ZFHX3: variants seen among roughly 807,000 people sequenced by gnomAD.
ZFHX3 encodes the protein zinc finger homeobox 3.
In ZFHX3, 42 loss-of-function variants were observed where a neutral mutation model predicts 279.1. The ratio of observed to expected loss-of-function variants is 0.15; its 90% CI spans 0.12 to 0.19. The LOEUF is 0.19. ZFHX3 is among the 10% of genes least tolerant of loss of function. The pLI, the probability that ZFHX3 is intolerant of heterozygous loss-of-function variation, is 1.00. For missense variants in ZFHX3, 4,981 were observed against 4,754.0 expected (o/e 1.05, Z -1.40); for synonymous variants, 2,293 against 1,957.8 (o/e 1.17, Z -4.52).
chr16:73,086,843 C>A (rs1231434672), intron 8 of ZFHX3, among the ~76,000 whole-genome samples: 1 of 152,100 alleles, frequency 6.6e-6, no homozygotes, highest in Non-Finnish European at 1.5e-5. Flanking sequence ...GTTGAGGCTG[C>A]AATGAGCTGT....
chr16:73,056,015 G>A (rs952712057), intron 1 of ZFHX3, among the ~76,000 whole-genome samples: 2 of 152,142 alleles, frequency 1.3e-5, no homozygotes, highest in African/African-American at 4.8e-5. Context: ...TATAAGCCCT[G>A]TGCGTTTCAG....
In ZFHX3 at chr16:72,793,184, G is replaced by C; in HGVS notation, c.9427+71C>G. ...TGCCCAGCACTCAGAGGGTTTGGGT[G>C]GTATCCACATAACAGAATGCTGACT... On this transcript the variant is annotated intron_variant, in intron 9 of 9. Transcript: ENST00000268489. This position sits in a 1 kb window ranked among gnomAD's most constrained non-coding sequence, Gnocchi z 4.3. 6.5e-7 allele frequency: 1 copy of C among 1,527,652 alleles called. No individual in the cohort carries two copies. Among genetic ancestry groups the C allele is most frequent in the South Asian group, 1.3e-5 (1 of 75,656 alleles). 94.6% of individuals were successfully genotyped at this position (1,527,652 alleles called of 1,614,324 possible). A position where few individuals can be genotyped will look rare whatever the true frequency, so the allele number is the denominator to read the frequency against.
chr16:73,821,857 T>C (rs1283850980), intron 1 of ZFHX3, among the ~76,000 whole-genome samples: 1 of 152,154 alleles, frequency 6.6e-6, no homozygotes, highest in East Asian at 1.9e-4. Context: ...TGGGCTGACC[T>C]TTGTAAAGGC....
At chr16:72,814,280 C>T (rs2036542516) in intron 5 of ZFHX3, among the ~76,000 whole-genome samples, 1 of 152,156 alleles carries the variant, frequency 6.6e-6, no homozygotes, top group South Asian at 2.1e-4. Flanking sequence ...CTCTGCCTGA[C>T]TAAAAACAAC....
At chr16:73,752,139 G>T (rs328340) in intron 1 of ZFHX3, among the ~76,000 whole-genome samples, 1 of 152,184 alleles carries the variant, frequency 6.6e-6, no homozygotes. Flanking sequence ...CCATTTATAC[G>T]TAGGAGAGTA....
At chr16:73,369,226 T>C (rs1788730488) in intron 3 of ZFHX3, among the ~76,000 whole-genome samples, 1 of 152,158 alleles carries the variant, frequency 6.6e-6, no homozygotes, top group Admixed American at 6.5e-5. Context: ...CTTGCCAGCA[T>C]GGATTTAGTA....
At chr16:73,270,809 C>T (rs973932295) in intron 4 of ZFHX3, among the ~76,000 whole-genome samples, 1 of 152,162 alleles carries the variant, frequency 6.6e-6, no homozygotes, top group African/African-American at 2.4e-5. Context: ...GCCTCAATTG[C>T]ATGGTACCCA....
intron 3 of ZFHX3, among the ~76,000 whole-genome samples, chr16:72,921,069 CAA>C (rs57294537): frequency 4.2e-5 from 1 of 23,582 alleles, no homozygotes; most frequent in East Asian, 1.5e-3. Flanking sequence ...CAGACCTTGT[CAA>C]AAAAAAAAAA....
chr16:73,188,633 C>A (rs144916685), intron 5 of ZFHX3, among the ~76,000 whole-genome samples: 41 of 152,300 alleles, frequency 2.7e-4, no homozygotes, highest in African/African-American at 9.1e-4. Flanking sequence ...CTTGGTCCTG[C>A]ATGTTGTAGA....
chr16:73,620,713 T>C (rs1402234348), intron 2 of ZFHX3, among the ~76,000 whole-genome samples: 1 of 152,252 alleles, frequency 6.6e-6, no homozygotes, highest in Admixed American at 6.5e-5. Context: ...CCTTATTTAT[T>C]AACTTCTTTT....
At chr16:73,889,076 T>C (rs2030443332) in intron 1 of ZFHX3, among the ~76,000 whole-genome samples, 1 of 152,204 alleles carries the variant, frequency 6.6e-6, no homozygotes, top group East Asian at 1.9e-4. Flanking sequence ...TGTAGATTGA[T>C]ACGGATGCCT....
At chr16:73,459,351 G>T (rs2018431491) in intron 2 of ZFHX3, among the ~76,000 whole-genome samples, 1 of 151,990 alleles carries the variant, frequency 6.6e-6, no homozygotes, top group East Asian at 1.9e-4. Flanking sequence ...GAAAGAGGTT[G>T]TCTTTTTGTT....
chr16:73,258,375 G>T (rs1466277472), intron 4 of ZFHX3, among the ~76,000 whole-genome samples: 3 of 148,336 alleles, frequency 2.0e-5, no homozygotes, highest in Non-Finnish European at 3.0e-5. Context: ...TCTGAGACAG[G>T]GTCTCGCTCT....
chr16:73,055,734 A>G (rs1169870648), intron 1 of ZFHX3, among the ~76,000 whole-genome samples: 1 of 150,278 alleles, frequency 6.7e-6, no homozygotes, highest in Non-Finnish European at 1.5e-5. Flanking sequence ...ACACACACAC[A>G]CACGTCAGGA....
intron 3 of ZFHX3, among the ~76,000 whole-genome samples, chr16:73,353,841 GTTATTT>G (rs1030855384): frequency 1.3e-5 from 2 of 152,136 alleles, no homozygotes; most frequent in African/African-American, 4.8e-5. Context: ...ACTTAATATT[GTTATTT>G]TTATTTATCA....
intron 8 of ZFHX3, among the ~76,000 whole-genome samples, chr16:73,082,326 G>A (rs986998721): frequency 2.0e-5 from 3 of 151,950 alleles, no homozygotes; most frequent in Non-Finnish European, 4.4e-5. Context: ...GGAGTGCAGT[G>A]GCGCGATCTT....
chr16:73,890,278 C>T (rs1056256382), intron 1 of ZFHX3, among the ~76,000 whole-genome samples: 1 of 149,680 alleles, frequency 6.7e-6, no homozygotes, highest in Non-Finnish European at 1.5e-5. Flanking sequence ...CCTCTCCCTT[C>T]TTCCCCTTTT....
chr16:73,770,523 A>C lies in ZFHX3; in HGVS notation c.-1607-90283T>G, dbSNP rs931585063. On this transcript the variant is annotated intron_variant, in intron 1 of 17. Coordinates refer to the ZFHX3 transcript ENST00000641206. ...TTCTAGGATGGTCAGTTATGTGTTA[A>C]TATCAATGTCAAACAAAACATTTAG... is the stretch of plus-strand genomic sequence containing the variant. Among the ~76,000 whole-genome samples, 3 of 152,248 alleles carry C rather than the reference A, an allele frequency of 2.0e-5. No homozygotes were observed. In the South Asian group the frequency reaches 6.2e-4, roughly 32 times the overall value.
intron 5 of ZFHX3, among the ~76,000 whole-genome samples, chr16:72,812,429 A>G (rs1310996401): frequency 2.0e-5 from 3 of 152,168 alleles, no homozygotes; most frequent in Non-Finnish European, 4.4e-5. Context: ...CAGCCTCAGT[A>G]CCAGACATGC....
Sources: allele counts gnomAD v4.1 joint callset (sites outside exome capture counted in the v4.1 genomes callset), GRCh38; gene constraint gnomAD v4.1.1; non-coding constraint Gnocchi (gnomAD v3.1); transcripts MANE v1.5; gene names NCBI Gene and HGNC (gene_info 2026-07-23, HGNC 2026-07-21).